The following VDAC1 variants were observed in gnomAD, a reference collection of about 807,000 sequenced individuals.
The protein encoded by VDAC1 is voltage dependent anion channel 1.
A neutral mutation model predicts 34.7 loss-of-function variants in VDAC1; 10 were observed. That is an observed-to-expected ratio of 0.29 (90% CI 0.18 to 0.49). The LOEUF (loss-of-function observed/expected upper bound fraction) is 0.49. VDAC1 is among the 20% of genes least tolerant of loss of function. The pLI is 0.99. For missense variants in VDAC1, 230 were observed against 347.9 expected (o/e 0.66, Z 2.69); for synonymous variants, 130 against 136.0 (o/e 0.96, Z 0.30).
At chr5:133,994,379 A>G (rs1000485685) in intron 1 of VDAC1, among the ~76,000 whole-genome samples, 2 of 152,248 alleles carry the variant, frequency 1.3e-5, no homozygotes, top group African/African-American at 4.8e-5. Context: ...CAGACAGAAG[A>G]GCAGCGAGCT....
chr5:134,004,127 G>A (rs1210312966), intron 1 of VDAC1, among the ~76,000 whole-genome samples: 2 of 152,200 alleles, frequency 1.3e-5, no homozygotes, highest in Non-Finnish European at 2.9e-5. Context: ...TTCTGCGGGC[G>A]TGGGCCGGCC....
At chr5:134,019,628 C>T in the VDAC1 span, among the ~76,000 whole-genome samples, 1 of 152,100 alleles carries the variant, frequency 6.6e-6, no homozygotes, top group Non-Finnish European at 1.5e-5. Flanking sequence ...TTCCCCACCT[C>T]CTATCCTTCC....
the VDAC1 span, among the ~76,000 whole-genome samples, chr5:134,045,268 G>A: frequency 1.2e-4 from 19 of 152,326 alleles, no homozygotes; most frequent in Admixed American, 3.9e-4. Context: ...GGCCAGCCAC[G>A]CCAGTTATCT....
the VDAC1 span, among the ~76,000 whole-genome samples, chr5:134,052,767 C>T: frequency 6.6e-6 from 1 of 152,150 alleles, no homozygotes; most frequent in African/African-American, 2.4e-5. Flanking sequence ...CTCATTTAGC[C>T]CCGACACCAT....
At chr5:134,025,842 C>T in the VDAC1 span, among the ~76,000 whole-genome samples, 3 of 152,132 alleles carry the variant, frequency 2.0e-5, no homozygotes, top group Non-Finnish European at 4.4e-5. Flanking sequence ...GCGATCCTCC[C>T]ACCTCAGCCT....
chr5:134,048,053 C>T, the VDAC1 span, among the ~76,000 whole-genome samples: 331 of 152,116 alleles, frequency 2.2e-3, no homozygotes, highest in African/African-American at 7.5e-3. Flanking sequence ...CTGCAAGCTC[C>T]GCCTCCCGGG....
At chr5:134,110,072 C>T in the VDAC1 span, among the ~76,000 whole-genome samples, 1 of 152,172 alleles carries the variant, frequency 6.6e-6, no homozygotes, top group African/African-American at 2.4e-5. Context: ...AACCCCAAAC[C>T]CATTCATCAG....
chr5:134,039,556 G>C, the VDAC1 span, among the ~76,000 whole-genome samples: 8,383 of 152,082 alleles, frequency 0.055, 271 homozygotes, highest in Non-Finnish European at 0.073. Flanking sequence ...GTCTCGATCT[G>C]CTGACCTCGT....
At chr5:134,033,879 C>T in the VDAC1 span, among the ~76,000 whole-genome samples, 1 of 151,814 alleles carries the variant, frequency 6.6e-6, no homozygotes, top group South Asian at 2.1e-4. Context: ...GTAGTCCCAG[C>T]TACTTGGGAG....
chr5:134,098,098 T>C, the VDAC1 span, among the ~76,000 whole-genome samples: 1 of 152,032 alleles, frequency 6.6e-6, no homozygotes, highest in African/African-American at 2.4e-5. Flanking sequence ...CTCAAACTCC[T>C]GACCTCAGGG....
At chr5:133,975,795 C>T (rs1053950202) in intron 7 of VDAC1, 76 bp downstream of exon 7, 3 of 1,579,356 alleles carry the variant, frequency 1.9e-6, no homozygotes, top group East Asian at 2.2e-5. Context: ...GCACAGCACT[C>T]CAGCAAACCT....
chr5:134,042,673 C>T, the VDAC1 span, among the ~76,000 whole-genome samples: 3 of 152,052 alleles, frequency 2.0e-5, no homozygotes, highest in East Asian at 3.9e-4. Flanking sequence ...TTTCTATTTT[C>T]GTAGAGATGG....
At chr5:134,059,165 C>T in the VDAC1 span, among the ~76,000 whole-genome samples, 4 of 152,154 alleles carry the variant, frequency 2.6e-5, no homozygotes, top group Admixed American at 2.0e-4. Flanking sequence ...CTCCAGAGCT[C>T]CAGGCTGAGG....
the VDAC1 span, among the ~76,000 whole-genome samples, chr5:134,101,142 C>T: frequency 1.3e-5 from 2 of 152,278 alleles, no homozygotes; most frequent in Non-Finnish European, 2.9e-5. Flanking sequence ...AGGCCACCTT[C>T]AGCTCCTGAC....
At chr5:134,034,445 A>G in the VDAC1 span, among the ~76,000 whole-genome samples, 1 of 152,056 alleles carries the variant, frequency 6.6e-6, no homozygotes, top group East Asian at 1.9e-4. Context: ...GAGAAAGGAG[A>G]TGCGTGACAC....
At chr5:133,975,510 G>C (rs561378348) in intron 7 of VDAC1, among the ~76,000 whole-genome samples, 1 of 151,288 alleles carries the variant, frequency 6.6e-6, no homozygotes, top group African/African-American at 2.4e-5. Flanking sequence ...ACCCAGGCTG[G>C]AGTGCAGTGA....
chr5:134,006,728 G>A (rs1753758282), upstream of VDAC1, among the ~76,000 whole-genome samples: 3 of 139,582 alleles, frequency 2.1e-5, no homozygotes, highest in Non-Finnish European at 3.0e-5. Flanking sequence ...GACTGACAGA[G>A]TGACATTGTC....
chr5:134,033,681 AAAAAAAAGT>A, the VDAC1 span, among the ~76,000 whole-genome samples: 2 of 151,492 alleles, frequency 1.3e-5, no homozygotes, highest in Admixed American at 1.3e-4. Flanking sequence ...ATGGAAAAAA[AAAAAAAAGT>A]AAAAAAAGAG....
At position 134,000,943 on chromosome 5, in the gene VDAC1, A is replaced by C. The variant is rs552853098; in HGVS notation, c.-7+3952T>G. Reference sequence around the variant, plus strand: ...TGTTTAGCTGAACAGGTCCTGAAAGAATGCCTCCCACCAGATCCCAGGGAA... The same window carrying C: ...TGTTTAGCTGAACAGGTCCTGAAAGCATGCCTCCCACCAGATCCCAGGGAA... On this transcript the variant is annotated intron_variant, in intron 1 of 8. Transcript: ENST00000265333. Among the ~76,000 whole-genome samples, 38 of 152,320 alleles carry C rather than the reference A, an allele frequency of 2.5e-4. 1 individual carries two copies. The highest frequency in any genetic ancestry group is 5.9e-5 in the Non-Finnish European group (4 of 68,038).
Sources: allele counts gnomAD v4.1 joint callset (sites outside exome capture counted in the v4.1 genomes callset), GRCh38; gene constraint gnomAD v4.1.1; transcripts MANE v1.5; gene names NCBI Gene and HGNC (gene_info 2026-07-23, HGNC 2026-07-21).